Variants in CACNG3 observed in about 807,000 individuals in gnomAD.
CACNG3 encodes the protein voltage-dependent calcium channel gamma-3 subunit.
Under a neutral mutation model 28.5 loss-of-function variants are expected in CACNG3, and 3 were observed. The observed-to-expected ratio is 0.11, with a 90% CI of 0.05 to 0.27. The LOEUF (loss-of-function observed/expected upper bound fraction) is 0.27, where lower values mean the gene tolerates loss of function less well. CACNG3 is among the 10% of genes least tolerant of loss of function. The pLI, the probability that CACNG3 is intolerant of heterozygous loss-of-function variation, is 1.00. For synonymous variants in CACNG3, 174 were observed against 162.2 expected (o/e 1.07, Z -0.55); for missense variants, 236 against 414.4 (o/e 0.57, Z 3.74).
intron 1 of CACNG3, among the ~76,000 whole-genome samples, chr16:24,279,211 A>T (rs945293604): frequency 4.6e-5 from 7 of 152,226 alleles, no homozygotes; most frequent in Non-Finnish European, 2.9e-5. Context: ...AAAATTAAAG[A>T]TCTGACGTAA....
intron 1 of CACNG3, among the ~76,000 whole-genome samples, chr16:24,318,457 G>A (rs1899416094): frequency 6.6e-6 from 1 of 152,190 alleles, no homozygotes; most frequent in Admixed American, 6.5e-5. Context: ...CTCACAAAGT[G>A]CTGAGATTAC....
chr16:24,304,630 G>A (rs1027921806), intron 1 of CACNG3, among the ~76,000 whole-genome samples: 1 of 152,172 alleles, frequency 6.6e-6, no homozygotes, highest in African/African-American at 2.4e-5. Context: ...CTGGAGTGCA[G>A]TAGCGCAATC....
chr16:24,272,225 A>G lies in CACNG3; in HGVS notation c.211+15260A>G, dbSNP rs1044579267. 4.6e-5 allele frequency among the ~76,000 whole-genome samples: 7 copies of G among 152,196 alleles called. 1 individual carries two copies. The highest frequency in any genetic ancestry group is 3.9e-4 in the Admixed American group (6 of 15,286). Reference sequence around the variant, plus strand: ...TGTTAATTAAAACACTTTTTATAATATGAAAGTAATGCAAAAACATGTTCT... The same window carrying G: ...TGTTAATTAAAACACTTTTTATAATGTGAAAGTAATGCAAAAACATGTTCT... On this transcript the variant is annotated intron_variant, in intron 1 of 3. Transcript: ENST00000005284.
At chr16:24,286,469 T>G (rs1252485738) in intron 1 of CACNG3, among the ~76,000 whole-genome samples, 1 of 151,272 alleles carries the variant, frequency 6.6e-6, no homozygotes, top group Non-Finnish European at 1.5e-5. Context: ...ATTCAAAGAT[T>G]TTGCTTTGAA....
At chr16:24,312,309 T>C (rs1899274688) in intron 1 of CACNG3, among the ~76,000 whole-genome samples, 1 of 152,210 alleles carries the variant, frequency 6.6e-6, no homozygotes, top group Non-Finnish European at 1.5e-5. Context: ...TCTATGCTCC[T>C]TTTCCTGATT....
In CACNG3 at chr16:24,256,671, G is replaced by A; in HGVS notation, c.-84G>A. The A allele has an allele frequency of 1.1e-6, 1 of 907,196 alleles. No individual in the cohort carries two copies. The highest frequency in any genetic ancestry group is 1.9e-6 in the Non-Finnish European group (1 of 540,474). The allele number at this position is 907,196 out of a possible 1,614,324, so 56.2% of individuals were successfully genotyped here. ...GAATTTTTGGAAGAGCCTGTACTAGGTTACCCGGCTGCAGAGTGATTTTCC... is the reference window on the plus strand; with the variant it reads ...GAATTTTTGGAAGAGCCTGTACTAGATTACCCGGCTGCAGAGTGATTTTCC... On this transcript the variant is annotated 5_prime_UTR_variant, in exon 1 of 4. Coordinates refer to ENST00000005284, the MANE Select transcript of CACNG3 (RefSeq NM_006539.4). The surrounding 1 kb of genome is among the most constrained non-coding windows in gnomAD (Gnocchi z 4.6).
At chr16:24,336,830 T>C in intron 1 of CACNG3, among the ~76,000 whole-genome samples, 1 of 152,082 alleles carries the variant, frequency 6.6e-6, no homozygotes, top group Non-Finnish European at 1.5e-5. Flanking sequence ...TGTTTTGTTT[T>C]GTTATATAGA....
intron 3 of CACNG3, among the ~76,000 whole-genome samples, chr16:24,357,726 C>T (rs1162457413): frequency 3.3e-5 from 5 of 152,176 alleles, no homozygotes; most frequent in Admixed American, 6.5e-5. Flanking sequence ...TCTTGAGGCA[C>T]GCTCCTGTCA....
chr16:24,260,814 A>C (rs1278667337), intron 1 of CACNG3, among the ~76,000 whole-genome samples: 2 of 152,324 alleles, frequency 1.3e-5, no homozygotes, highest in Non-Finnish European at 2.9e-5. Flanking sequence ...AGCCAACAAG[A>C]ACGCCCAACT....
intron 2 of CACNG3, among the ~76,000 whole-genome samples, chr16:24,351,757 A>AAG (rs201001313): frequency 6.3e-4 from 89 of 141,294 alleles, no homozygotes; most frequent in Middle Eastern, 3.7e-3. Context: ...GGAAGGAAGG[A>AAG]AGAGAGAGAG....
In CACNG3 at chr16:24,361,952, G is replaced by A; in HGVS notation, c.*89G>A. 2.3e-6 allele frequency: 3 copies of A among 1,302,324 alleles called. No homozygotes were observed. Among genetic ancestry groups the A allele is most frequent in the Non-Finnish European group, 3.1e-6 (3 of 954,306 alleles). 80.7% of individuals were successfully genotyped at this position (1,302,324 alleles called of 1,614,324 possible). The stretch of plus-strand genomic sequence containing the variant: ...TGAGGTTGCATGGCATGGTCCTTGT[G>A]ATGGTATTACTTTTTACAAAGAATG... On this transcript the variant is annotated 3_prime_UTR_variant, in exon 4 of 4. Coordinates refer to ENST00000005284, the MANE Select transcript of CACNG3 (RefSeq NM_006539.4). This position sits in a 1 kb window ranked among gnomAD's most constrained non-coding sequence, Gnocchi z 6.8.
chr16:24,362,040 A>C lies in CACNG3; in HGVS notation c.*177A>C. On this transcript the variant is annotated 3_prime_UTR_variant, in exon 4 of 4. Coordinates refer to ENST00000005284, the MANE Select transcript of CACNG3 (RefSeq NM_006539.4). ...TCACCCTCCAAGTCCTAACCCCTCCATCCTCTCTAACTTTTCAAGCCAATC... is the reference window on the plus strand; with the variant it reads ...TCACCCTCCAAGTCCTAACCCCTCCCTCCTCTCTAACTTTTCAAGCCAATC... 3.6e-6 allele frequency: 2 copies of C among 563,222 alleles called. No individual in the cohort carries two copies. The highest frequency in any genetic ancestry group is 3.4e-5 in the Admixed American group (1 of 29,470). 34.9% of individuals were successfully genotyped at this position (563,222 alleles called of 1,614,324 possible).
At chr16:24,323,253 A>G (rs913471164) in intron 1 of CACNG3, among the ~76,000 whole-genome samples, 1 of 146,550 alleles carries the variant, frequency 6.8e-6, no homozygotes, top group African/African-American at 2.5e-5. Context: ...GAGAGAGAGA[A>G]AGAGAGAGAT....
chr16:24,307,209 C>A (rs1171625975), intron 1 of CACNG3, among the ~76,000 whole-genome samples: 2 of 152,102 alleles, frequency 1.3e-5, no homozygotes, highest in Non-Finnish European at 2.9e-5. Context: ...GCAACTTCTG[C>A]CTCCCAGGTT....
intron 2 of CACNG3, among the ~76,000 whole-genome samples, chr16:24,349,053 A>G (rs1899907215): frequency 6.6e-6 from 1 of 152,212 alleles, no homozygotes; most frequent in Non-Finnish European, 1.5e-5. Flanking sequence ...ATGAGAACAC[A>G]GATTTCCTGC....
At chr16:24,266,279 C>G (rs1468409704) in intron 1 of CACNG3, among the ~76,000 whole-genome samples, 3 of 152,184 alleles carry the variant, frequency 2.0e-5, no homozygotes, top group East Asian at 1.9e-4. Flanking sequence ...GGTGACCCAC[C>G]ACAGGCAGCT....
chr16:24,354,983 T>C lies in CACNG3; in HGVS notation c.436+10T>C. The C allele has an allele frequency of 1.2e-6, 2 of 1,611,436 alleles. No individual in the cohort carries two copies. Among genetic ancestry groups the C allele is most frequent in the Non-Finnish European group, 1.7e-6 (2 of 1,178,878 alleles). On this transcript the variant is annotated intron_variant, in intron 3 of 3. Transcript: ENST00000005284. ...TTTTTTGTCTCTGCAGGTGAGTGTCTGGCCCCAGCCCTGAGATCTTCACAG... is the reference window on the plus strand; with the variant it reads ...TTTTTTGTCTCTGCAGGTGAGTGTCCGGCCCCAGCCCTGAGATCTTCACAG...
chr16:24,287,708 T>C (rs2141354084), intron 1 of CACNG3, among the ~76,000 whole-genome samples: 1 of 152,258 alleles, frequency 6.6e-6, no homozygotes, highest in South Asian at 2.1e-4. Context: ...CATCATCTCC[T>C]TGGGGACAGG....
intron 1 of CACNG3, among the ~76,000 whole-genome samples, chr16:24,324,771 C>T (rs1470000443): frequency 1.3e-5 from 2 of 152,150 alleles, no homozygotes; most frequent in Admixed American, 6.5e-5. Context: ...TCTGCTGTTC[C>T]CTACTGGGTC....
Sources: allele counts gnomAD v4.1 joint callset (sites outside exome capture counted in the v4.1 genomes callset), GRCh38; gene constraint gnomAD v4.1.1; non-coding constraint Gnocchi (gnomAD v3.1); transcripts MANE v1.5; gene names NCBI Gene and HGNC (gene_info 2026-07-23, HGNC 2026-07-21).